The following C19orf18 variants were observed in gnomAD, a reference collection of about 807,000 sequenced individuals.
C19orf18 encodes uncharacterized protein C19orf18.
Under a neutral mutation model 23.3 loss-of-function variants are expected in C19orf18, and 21 were observed. That is an observed-to-expected ratio of 0.90 (90% confidence interval 0.64 to 1.30). The LOEUF (loss-of-function observed/expected upper bound fraction) is 1.30. Ranked by LOEUF, C19orf18 falls within the 50% of genes most tolerant of loss-of-function variation. The pLI is 0.00. For synonymous variants in C19orf18, 96 were observed against 95.2 expected (o/e 1.01, Z -0.05); for missense variants, 249 against 259.6 (o/e 0.96, Z 0.28).
intron 3 of C19orf18, among the ~76,000 whole-genome samples, chr19:57,968,479 G>A (rs930806567): frequency 6.6e-6 from 1 of 152,120 alleles, no homozygotes; most frequent in Non-Finnish European, 1.5e-5. Flanking sequence ...AGAGAAAGGA[G>A]GTGTGATTGC....
At chr19:57,973,655 G>A (rs1177163253) in intron 2 of C19orf18, among the ~76,000 whole-genome samples, 2 of 151,542 alleles carry the variant, frequency 1.3e-5, no homozygotes, top group African/African-American at 4.9e-5. Context: ...AACCCAGGAG[G>A]TGGAGCTTGC....
chr19:57,961,302 C>G, intron 5 of C19orf18, 89 bp downstream of exon 5: 1 of 1,288,256 alleles, frequency 7.8e-7, no homozygotes, highest in South Asian at 1.5e-5. Context: ...AAAAGAAATG[C>G]AAGCCACCGC....
At chr19:57,964,270 A>G (rs1397174331) in intron 4 of C19orf18, among the ~76,000 whole-genome samples, 2 of 152,182 alleles carry the variant, frequency 1.3e-5, no homozygotes, top group East Asian at 3.8e-4. Flanking sequence ...TGAAATATAC[A>G]GAAGCTACAG....
intron 2 of C19orf18, among the ~76,000 whole-genome samples, 199 bp from the exon 3 acceptor site, chr19:57,972,703 C>T (rs938955344): frequency 6.6e-6 from 1 of 152,166 alleles, no homozygotes; most frequent in African/African-American, 2.4e-5. Context: ...GCCTGGTGAG[C>T]CTGCTGTTCT....
chr19:57,961,326 A>G (rs2072870516), intron 5 of C19orf18, 65 bp downstream of exon 5: 1 of 1,477,228 alleles, frequency 6.8e-7, no homozygotes, highest in South Asian at 1.3e-5. Context: ...GAAAGAAAGA[A>G]AAGAAACGCA....
chr19:57,971,136 A>T lies in C19orf18; in HGVS notation c.268+1327T>A, dbSNP rs144499571. Among the ~76,000 whole-genome samples, 94 of 152,262 alleles carry T rather than the reference A, an allele frequency of 6.2e-4. 1 individual carries two copies. The highest frequency in any genetic ancestry group is 8.5e-4 in the Non-Finnish European group (58 of 68,028). Reference sequence around the variant, plus strand: ...GTGTTTGGCGTGGATGGATGTATTCATCACGTTTTTTATTTTCTGTATTTC... The same window carrying T: ...GTGTTTGGCGTGGATGGATGTATTCTTCACGTTTTTTATTTTCTGTATTTC... On this transcript the variant is annotated intron_variant, in intron 3 of 5. Coordinates refer to ENST00000314391, the MANE Select transcript of C19orf18 (RefSeq NM_152474.5).
chr19:57,966,680 C>T (rs779745202), intron 3 of C19orf18, 48 bp from the exon 4 acceptor site: 29 of 1,307,830 alleles, frequency 2.2e-5, no homozygotes, highest in Non-Finnish European at 2.8e-5. Context: ...TTCATTTTAG[C>T]TATGTCTTTC....
intron 5 of C19orf18, 39 bp from the exon 6 acceptor site, chr19:57,958,756 T>A: frequency 8.3e-7 from 1 of 1,211,822 alleles, no homozygotes; most frequent in Non-Finnish European, 1.2e-6. Flanking sequence ...TAGTAATAAG[T>A]GAGGAATAAA....
rs2072966914 is a variant in C19orf18 at position 57,974,161 on chromosome 19, G to A, written c.164C>T (p.Pro55Leu). The A allele has an allele frequency of 6.2e-7, 1 of 1,613,980 alleles. No individual in the cohort carries two copies. Among genetic ancestry groups the A allele is most frequent in the Non-Finnish European group, 8.5e-7 (1 of 1,180,022 alleles). ...SQPPRNITKE[P>L]KVFFHKTQLP... is the part of the protein sequence containing the mutation. ...CTGGGTTTTATGAAAGAACACTTTG[G>A]GCTCTTTGGTGATGTTTCTGGGTGG... Residue 55 changes from proline (P) to leucine (L), a missense_variant, in exon 2 of 6, where the codon CCC (proline) becomes CTC (leucine). Pro to Leu is a moderately conservative substitution (Grantham distance 98). Transcript: ENST00000314391.
chr19:57,969,060 G>A (rs2072926333), intron 3 of C19orf18, among the ~76,000 whole-genome samples: 1 of 152,134 alleles, frequency 6.6e-6, no homozygotes, highest in Non-Finnish European at 1.5e-5. Flanking sequence ...AGAAACCCCA[G>A]TAGAGGCGGG....
At chr19:57,962,070 C>T (rs1306039471) in intron 4 of C19orf18, among the ~76,000 whole-genome samples, 3 of 151,758 alleles carry the variant, frequency 2.0e-5, no homozygotes, top group Admixed American at 2.0e-4. Flanking sequence ...CATTCTGTCA[C>T]CCAGGCTAGA....
chr19:57,959,794 C>CAA (rs35485603), intron 5 of C19orf18, among the ~76,000 whole-genome samples: 4 of 99,310 alleles, frequency 4.0e-5, no homozygotes, highest in Non-Finnish European at 8.0e-5. Flanking sequence ...AACTCTGCCT[C>CAA]AAAAAAAAAA....
chr19:57,968,722 T>C (rs962017182), intron 3 of C19orf18, among the ~76,000 whole-genome samples: 6 of 152,176 alleles, frequency 3.9e-5, no homozygotes, highest in Middle Eastern at 3.2e-3. Flanking sequence ...GGTGTATTTA[T>C]TATATTTTCT....
chr19:57,958,563 T>C lies in C19orf18; in HGVS notation c.*39A>G. 1 of 1,398,428 alleles carries C rather than the reference T, an allele frequency of 7.2e-7. No individual in the cohort carries two copies. Among genetic ancestry groups the C allele is most frequent in the Non-Finnish European group, 9.9e-7 (1 of 1,009,026 alleles). 86.6% of individuals were successfully genotyped at this position (1,398,428 alleles called of 1,614,324 possible). On this transcript the variant is annotated 3_prime_UTR_variant, in exon 6 of 6. Coordinates refer to ENST00000314391, the MANE Select transcript of C19orf18 (RefSeq NM_152474.5). ...GCTCAGTCTCCCAGCACCCCCATAG[T>C]TTCTCCTCTGCCTCAGCCGGCACCT...
At chr19:57,974,024 A>G in intron 2 of C19orf18, 75 bp downstream of exon 2, 2 of 1,399,106 alleles carry the variant, frequency 1.4e-6, no homozygotes, top group Non-Finnish European at 2.0e-6. Flanking sequence ...AGCACACAGT[A>G]CACATTCACA....
chr19:57,968,186 A>T (rs1036462743), intron 3 of C19orf18, among the ~76,000 whole-genome samples: 1 of 152,248 alleles, frequency 6.6e-6, no homozygotes, highest in Non-Finnish European at 1.5e-5. Context: ...GGAAGGAGTG[A>T]GACAGCTCTC....
chr19:57,971,723 G>A lies in C19orf18; in HGVS notation c.268+740C>T, dbSNP rs140198730. Among the ~76,000 whole-genome samples, 214 of 152,136 alleles carry A rather than the reference G, an allele frequency of 1.4e-3. 1 individual carries two copies. The highest frequency in any genetic ancestry group is 2.4e-3 in the Non-Finnish European group (166 of 68,004). ...TGACCTCAAGTGATTCATCCACCTC[G>A]GCCTTCCTAAGTGCTGGGATTACAG... is the stretch of plus-strand genomic sequence containing the variant. On this transcript the variant is annotated intron_variant, in intron 3 of 5. Transcript: ENST00000314391.
At chr19:57,959,267 T>A (rs980347120) in intron 5 of C19orf18, among the ~76,000 whole-genome samples, 1 of 152,070 alleles carries the variant, frequency 6.6e-6, no homozygotes, top group African/African-American at 2.4e-5. Context: ...GACGGGAAGA[T>A]CTCTTAAGCC....
intron 4 of C19orf18, among the ~76,000 whole-genome samples, chr19:57,964,419 C>A (rs1420274702): frequency 6.6e-6 from 1 of 152,136 alleles, no homozygotes; most frequent in African/African-American, 2.4e-5. Context: ...GTAGCTGGGA[C>A]TACAGGTGCG....
Sources: allele counts gnomAD v4.1 joint callset (sites outside exome capture counted in the v4.1 genomes callset), GRCh38; gene constraint gnomAD v4.1.1; transcripts MANE v1.5; gene names NCBI Gene and HGNC (gene_info 2026-07-23, HGNC 2026-07-21).